Variants in HORMAD1 observed in about 807,000 individuals in gnomAD.
The protein encoded by HORMAD1 is HORMA domain containing 1.
Under a neutral mutation model 58.2 loss-of-function variants are expected in HORMAD1, and 33 were observed. The observed-to-expected ratio is 0.57, with a 90% CI of 0.43 to 0.76. HORMAD1 has a LOEUF of 0.76. Ranked by LOEUF, HORMAD1 falls within the 30% of genes least tolerant of loss-of-function variation. HORMAD1 has a pLI of 0.00. For missense variants in HORMAD1, 363 were observed against 462.0 expected (o/e 0.79, Z 1.96); for synonymous variants, 137 against 144.6 (o/e 0.95, Z 0.38).
chr1:150,706,853 G>T (rs1651712272), intron 9 of HORMAD1, 44 bp from the exon 10 acceptor site: 2 of 1,478,804 alleles, frequency 1.4e-6, no homozygotes, highest in Admixed American at 2.2e-5. Context: ...TGAAATTAAA[G>T]AAAATATAAT....
Position 150,706,636 on chromosome 1 carries a change from G to C in HORMAD1, c.721C>G (p.Leu241Val). Residue 241 changes from leucine (L) to valine (V), a missense_variant, in exon 10 of 15, where the codon CTA becomes GTA. Physicochemically the swap from Leu to Val is conservative, Grantham distance 32. Coordinates refer to ENST00000361824, the MANE Select transcript of HORMAD1 (RefSeq NM_032132.5). ...GGTGTTTTTATTTGTTTTGGTGATA[G>C]TATAGTTGAGTCAATATTTTCCATT... ...ERMENIDSTILSPKQIKTPFQ... is the reference protein window; with the variant it reads ...ERMENIDSTIVSPKQIKTPFQ... The C allele has an allele frequency of 1.2e-6, 2 of 1,612,530 alleles. No homozygotes were observed. The highest frequency in any genetic ancestry group is 8.5e-7 in the Non-Finnish European group (1 of 1,179,178).
At chr1:150,717,670 C>T (rs200952066) in intron 2 of HORMAD1, among the ~76,000 whole-genome samples, 2 of 152,154 alleles carry the variant, frequency 1.3e-5, no homozygotes, top group East Asian at 3.8e-4. Flanking sequence ...CAGTGGCTCA[C>T]GCCTGTAATC....
Position 150,704,280 on chromosome 1 carries a change from C to T in HORMAD1, c.868G>A (p.Glu290Lys). 6.3e-7 allele frequency: 1 copy of T among 1,593,792 alleles called. No individual in the cohort carries two copies. The highest frequency in any genetic ancestry group is 8.5e-7 in the Non-Finnish European group (1 of 1,171,178). ...QEKNPASSEL[E>K]EPSLVCEEDE... ...TACATTTTCATTAACTTCTTACCTT[C>T]AAGTTCAGAAGATGCAGGGTTTTTT... The change falls in exon 11 of 15, where the codon GAA becomes AAA. Residue 290 changes from glutamate to lysine, a missense_variant. Physicochemically the swap from Glu to Lys is moderately conservative, Grantham distance 56. Coordinates refer to ENST00000361824, the MANE Select transcript of HORMAD1 (RefSeq NM_032132.5).
At chr1:150,708,154 T>G (rs1651755520) in intron 9 of HORMAD1, 102 bp downstream of exon 9, 2 of 877,538 alleles carry the variant, frequency 2.3e-6, no homozygotes, top group Non-Finnish European at 1.7e-6. Flanking sequence ...TTTTATAATT[T>G]CAAAAAATTT....
chr1:150,711,919 T>G, intron 5 of HORMAD1, 66 bp from the exon 6 acceptor site: 1 of 1,069,712 alleles, frequency 9.3e-7, no homozygotes, highest in South Asian at 1.4e-5. Context: ...TTACGAATCA[T>G]AAGAATTCTT....
chr1:150,714,620 C>A lies in HORMAD1; in HGVS notation c.237G>T (p.Val79=). 6.8e-7 allele frequency: 1 copy of A among 1,461,930 alleles called. No individual in the cohort carries two copies. Among genetic ancestry groups the A allele is most frequent in the South Asian group, 1.4e-5 (1 of 73,028 alleles). 90.6% of individuals were successfully genotyped at this position (1,461,930 alleles called of 1,614,324 possible). A position where few individuals can be genotyped will look rare whatever the true frequency, so the allele number is the denominator to read the frequency against. The part of the protein sequence containing the change: ...DKNCPGSTQL[V]KWMLGCYDAL... ...TTAGGTATTCTTTTACTTGCCATTT[C>A]ACTAACTGTGTAGATCCTGGGCAAT... The change falls in exon 4 of 15, where the codon GTG becomes GTT. Residue 79 remains valine, a synonymous_variant. Coordinates refer to ENST00000361824, the MANE Select transcript of HORMAD1 (RefSeq NM_032132.5).
intron 7 of HORMAD1, among the ~76,000 whole-genome samples, chr1:150,710,090 G>A (rs587674676): frequency 9.2e-5 from 14 of 151,824 alleles, no homozygotes; most frequent in African/African-American, 2.9e-4. Flanking sequence ...TATGCTGAGC[G>A]CCGGTCCCCT....
At chr1:150,719,449 A>G in intron 2 of HORMAD1, 24 bp downstream of exon 2, 1 of 1,465,324 alleles carries the variant, frequency 6.8e-7, no homozygotes, top group Non-Finnish European at 9.4e-7. Context: ...TTATTAAGAT[A>G]TACCAAAATA....
intron 7 of HORMAD1, among the ~76,000 whole-genome samples, chr1:150,710,829 T>C (rs1485716414): frequency 6.6e-6 from 1 of 152,206 alleles, no homozygotes; most frequent in Non-Finnish European, 1.5e-5. Flanking sequence ...TGAAACGTTA[T>C]ATTGTAACAG....
chr1:150,716,223 C>G (rs1387940117), intron 3 of HORMAD1, among the ~76,000 whole-genome samples: 1 of 128,954 alleles, frequency 7.8e-6, no homozygotes, highest in Non-Finnish European at 1.5e-5. Context: ...AGTGCAGTGG[C>G]ACAATCTCGG....
At chr1:150,713,216 A>C (rs1405465901) in intron 5 of HORMAD1, among the ~76,000 whole-genome samples, 5 of 152,182 alleles carry the variant, frequency 3.3e-5, no homozygotes, top group African/African-American at 1.2e-4. Context: ...TTTTGCTAAA[A>C]ATTTTAATGG....
At chr1:150,714,527 T>C (rs587693672) in intron 4 of HORMAD1, 88 bp downstream of exon 4, 4 of 564,044 alleles carry the variant, frequency 7.1e-6, no homozygotes, top group Non-Finnish European at 8.9e-6. Context: ...TCACTAAAAT[T>C]TGGTTAAACA....
intron 10 of HORMAD1, among the ~76,000 whole-genome samples, 175 bp downstream of exon 10, chr1:150,706,377 TG>T (rs1300342534): frequency 1.3e-5 from 2 of 152,214 alleles, no homozygotes; most frequent in Non-Finnish European, 2.9e-5. Flanking sequence ...CAATGTTGTT[TG>T]GGCTAAGTAA....
rs149348364 is a variant in HORMAD1, at chr1:150,706,784, G to A, written c.573C>T (p.Pro191=). Residue 191 remains proline (P), a synonymous_variant, in exon 10 of 15, where the codon CCC becomes CCT. Coordinates refer to ENST00000361824, the MANE Select transcript of HORMAD1 (RefSeq NM_032132.5). ...DEVTPPDYQP[P]GFKDGDCEGV... is the part of the protein sequence containing the mutation. ...CTTCACAATCACCATCCTTAAAACC[G>A]GGAGGCTGGTAATCTGGGGGTGTAA... 96 of 1,611,048 alleles carry A rather than the reference G, an allele frequency of 6.0e-5. No individual in the cohort carries two copies. The highest frequency in any genetic ancestry group is 1.8e-4 in the South Asian group (16 of 90,818).
chr1:150,699,081 C>T (rs1394839076), intron 14 of HORMAD1: 1 of 165,618 alleles, frequency 6.0e-6, no homozygotes, highest in Non-Finnish European at 1.3e-5. Flanking sequence ...AACATTCTAC[C>T]TTGGAATCAT....
At chr1:150,704,072 G>A (rs1279289811) in intron 12 of HORMAD1, 46 bp downstream of exon 12, 1 of 1,291,038 alleles carries the variant, frequency 7.7e-7, no homozygotes, top group Non-Finnish European at 1.1e-6. Flanking sequence ...ATAAGCAACT[G>A]TCCTGTGAAC....
intron 3 of HORMAD1, among the ~76,000 whole-genome samples, chr1:150,715,956 A>T (rs1652058563): frequency 6.6e-6 from 1 of 151,780 alleles, no homozygotes; most frequent in African/African-American, 2.4e-5. Flanking sequence ...AAACTTGTAC[A>T]TCAGTGCGGC....
chr1:150,715,266 T>A (rs1557800426), intron 3 of HORMAD1, among the ~76,000 whole-genome samples: 1 of 152,164 alleles, frequency 6.6e-6, no homozygotes, highest in Non-Finnish European at 1.5e-5. Context: ...ATATGTTGCT[T>A]TCATGCCATT....
chr1:150,703,612 C>T (rs921890237), intron 12 of HORMAD1, among the ~76,000 whole-genome samples: 7 of 152,106 alleles, frequency 4.6e-5, no homozygotes, highest in African/African-American at 1.7e-4. Flanking sequence ...TGAGAAAGTA[C>T]CAAATGATCA....
Sources: gnomAD v4.1 joint callset for allele counts (sites outside exome capture counted in the v4.1 genomes callset) on GRCh38, gnomAD v4.1.1 for gene constraint, MANE v1.5 for transcripts, NCBI Gene and HGNC (gene_info 2026-07-23, HGNC 2026-07-21) for gene names.